CNTNAP2: variants seen among roughly 807,000 people sequenced by gnomAD.
CNTNAP2 encodes the protein contactin-associated protein-like 2.
A neutral mutation model predicts 155.2 loss-of-function variants in CNTNAP2; 98 were observed. The ratio of observed to expected loss-of-function variants is 0.63; its 90% CI spans 0.54 to 0.75. The LOEUF (loss-of-function observed/expected upper bound fraction) is 0.75, where lower values mean the gene tolerates loss of function less well. Among genes scored for constraint, CNTNAP2 ranks in the 30% least tolerant of loss-of-function variants. The pLI is 0.00. For synonymous variants in CNTNAP2, 651 were observed against 631.2 expected, an observed-to-expected ratio of 1.03 and a Z score of -0.47; for missense variants, 1,727 against 1,688.1, an observed-to-expected ratio of 1.02 and a Z score of -0.40.
intron 13 of CNTNAP2, among the ~76,000 whole-genome samples, chr7:147,653,032 G>A (rs1795472255): frequency 6.6e-6 from 1 of 151,946 alleles, no homozygotes; most frequent in South Asian, 2.1e-4. Context: ...ATAACAATTT[G>A]TTTGAAATGA....
At chr7:147,393,519 T>C (rs1796758833) in intron 9 of CNTNAP2, among the ~76,000 whole-genome samples, 1 of 151,812 alleles carries the variant, frequency 6.6e-6, no homozygotes, top group African/African-American at 2.4e-5. Context: ...ATGACAGTCT[T>C]CTTAAGAGTG....
At chr7:147,330,182 A>G (rs748345900) in intron 9 of CNTNAP2, among the ~76,000 whole-genome samples, 81 of 152,122 alleles carry the variant, frequency 5.3e-4, no homozygotes, top group Non-Finnish European at 6.2e-4. Flanking sequence ...AGGGCTGGAG[A>G]TTAGGCTCTA....
At chr7:148,316,937 C>T (rs1797700458) in intron 21 of CNTNAP2, among the ~76,000 whole-genome samples, 1 of 152,190 alleles carries the variant, frequency 6.6e-6, no homozygotes, top group African/African-American at 2.4e-5. Context: ...AGTTCAGCCT[C>T]ATTTGGCAAT....
intron 15 of CNTNAP2, among the ~76,000 whole-genome samples, chr7:148,005,237 G>C (rs943460881): frequency 6.6e-6 from 1 of 152,098 alleles, no homozygotes; most frequent in Non-Finnish European, 1.5e-5. Context: ...CTCCCAAGTG[G>C]GAAGAACCAG....
intron 8 of CNTNAP2, among the ~76,000 whole-genome samples, chr7:147,222,939 G>T (rs1166818252): frequency 6.6e-6 from 1 of 151,060 alleles, no homozygotes; most frequent in Non-Finnish European, 1.5e-5. Context: ...TTGAATTCTG[G>T]TTAACCAGTT....
chr7:148,415,278 T>G, intron 23 of CNTNAP2, 139 bp from the exon 24 acceptor site: 1 of 887,996 alleles, frequency 1.1e-6, no homozygotes, highest in Non-Finnish European at 1.8e-6. Context: ...TTACTTCATT[T>G]TTGTTATCTT....
At chr7:146,717,327 A>G (rs1801206659) in intron 1 of CNTNAP2, among the ~76,000 whole-genome samples, 1 of 149,598 alleles carries the variant, frequency 6.7e-6, no homozygotes, top group Admixed American at 6.6e-5. Context: ...ACATGGCAAA[A>G]CTCTGTCTCT....
chr7:147,099,550 CTA>C (rs1800614066), intron 4 of CNTNAP2, among the ~76,000 whole-genome samples: 1 of 152,062 alleles, frequency 6.6e-6, no homozygotes, highest in African/African-American at 2.4e-5. Context: ...ATATAAATTA[CTA>C]TGAAAAGAGT....
chr7:146,296,955 TA>T (rs1329011954), intron 1 of CNTNAP2, among the ~76,000 whole-genome samples: 3 of 147,310 alleles, frequency 2.0e-5, no homozygotes, highest in African/African-American at 8.1e-5. Flanking sequence ...AAGCAGGTAT[TA>T]TCTGTGTGTG....
chr7:146,298,419 T>C (rs1020884370), intron 1 of CNTNAP2, among the ~76,000 whole-genome samples: 1 of 152,148 alleles, frequency 6.6e-6, no homozygotes, highest in East Asian at 1.9e-4. Context: ...CCCACAGCTT[T>C]AATAACTGCC....
chr7:147,873,956 T>G (rs574306273), intron 13 of CNTNAP2, among the ~76,000 whole-genome samples: 1 of 152,296 alleles, frequency 6.6e-6, no homozygotes, highest in African/African-American at 2.4e-5. Context: ...TCATTAAACC[T>G]TAAAGTTCCA....
At chr7:147,842,587 C>T (rs940610280) in intron 13 of CNTNAP2, among the ~76,000 whole-genome samples, 447 of 84,070 alleles carry the variant, frequency 5.3e-3, no homozygotes, top group Middle Eastern at 0.031. Flanking sequence ...TTTTACTTTT[C>T]TTTTTTTTTT....
At chr7:146,837,216 T>C (rs1803634735) in intron 2 of CNTNAP2, among the ~76,000 whole-genome samples, 1 of 152,122 alleles carries the variant, frequency 6.6e-6, no homozygotes, top group Non-Finnish European at 1.5e-5. Context: ...GTTATCAATG[T>C]CTCACAACTT....
At chr7:147,950,029 T>C (rs1191713310) in intron 14 of CNTNAP2, among the ~76,000 whole-genome samples, 1 of 152,108 alleles carries the variant, frequency 6.6e-6, no homozygotes, top group Non-Finnish European at 1.5e-5. Context: ...ATCCCAACTT[T>C]TACCCATCAA....
At chr7:147,077,456 G>A (rs1386575765) in intron 4 of CNTNAP2, among the ~76,000 whole-genome samples, 1 of 152,094 alleles carries the variant, frequency 6.6e-6, no homozygotes, top group Non-Finnish European at 1.5e-5. Context: ...CAACACTGGT[G>A]ATGAGCCGTT....
chr7:147,866,955 G>C (rs1056286537), intron 13 of CNTNAP2, among the ~76,000 whole-genome samples: 17 of 152,060 alleles, frequency 1.1e-4, no homozygotes, highest in Admixed American at 9.8e-4. Flanking sequence ...TACATTTAAG[G>C]TTAATATTGT....
chr7:146,631,616 C>T (rs1799512453), intron 1 of CNTNAP2, among the ~76,000 whole-genome samples: 1 of 152,096 alleles, frequency 6.6e-6, no homozygotes, highest in Admixed American at 6.6e-5. Flanking sequence ...TCTGGTTAGT[C>T]TTCTCTAGGT....
intron 1 of CNTNAP2, among the ~76,000 whole-genome samples, chr7:146,507,953 C>G (rs1797409052): frequency 6.6e-6 from 1 of 152,140 alleles, no homozygotes; most frequent in South Asian, 2.1e-4. Context: ...TGGGCCAAGT[C>G]CATCACACAG....
At chr7:147,419,268 C>G (rs1228854144) in intron 10 of CNTNAP2, among the ~76,000 whole-genome samples, 1 of 152,138 alleles carries the variant, frequency 6.6e-6, no homozygotes, top group East Asian at 1.9e-4. Flanking sequence ...GGCAAGTTCC[C>G]TGTTGCTTTC....
Sources: allele counts gnomAD v4.1 joint callset (sites outside exome capture counted in the v4.1 genomes callset), GRCh38; gene constraint gnomAD v4.1.1; transcripts MANE v1.5; gene names NCBI Gene and HGNC (gene_info 2026-07-23, HGNC 2026-07-21).